Variants in ADGRL1 observed in about 807,000 individuals in gnomAD.
The protein encoded by ADGRL1 is CIRL-1.
Under a neutral mutation model 148.9 loss-of-function variants are expected in ADGRL1, and 31 were observed. The ratio of observed to expected loss-of-function variants is 0.21; its 90% CI spans 0.16 to 0.28. The LOEUF is 0.28. Ranked by LOEUF, ADGRL1 falls within the 10% of genes least tolerant of loss-of-function variation. The pLI, the probability that ADGRL1 is intolerant of heterozygous loss-of-function variation, is 1.00. For missense variants in ADGRL1, 1,521 were observed against 2,058.8 expected (o/e 0.74, Z 5.05); for synonymous variants, 937 against 900.3 (o/e 1.04, Z -0.73).
In ADGRL1 at chr19:14,150,814, G is replaced by C; in HGVS notation, c.*59C>G. On this transcript the variant is annotated 3_prime_UTR_variant, in exon 23 of 23. Transcript: ENST00000361434. ...CCATCTGTCTCCCTCTCCCACCAGA[G>C]CCCTGCCCAGGGTTCCCTCCCTGGC... 6.4e-7 allele frequency: 1 copy of C among 1,571,058 alleles called. No individual in the cohort carries two copies. Among genetic ancestry groups the C allele is most frequent in the Non-Finnish European group, 8.6e-7 (1 of 1,160,810 alleles).
intron 1 of ADGRL1, among the ~76,000 whole-genome samples, chr19:14,204,713 TGAGAGAGAGAGAGA>T (rs74181774): frequency 4.2e-5 from 6 of 142,890 alleles, no homozygotes; most frequent in African/African-American, 1.3e-4. Flanking sequence ...ACAGAGAGAG[TGAGAGAGAGAGAGA>T]GAGAGAGAGA....
rs1465519902 is a variant in ADGRL1, at chr19:14,163,150, G to A, written c.651C>T (p.Ala217=). Residue 217 remains alanine, a synonymous_variant, in exon 5 of 23, where the codon GCC becomes GCT. Transcript: ENST00000361434. ...GCGTGCGCTCCTTGTTGTAGAAGAC[G>A]GCACCATCGTAGACCACAAAGCCTG... The part of the protein sequence containing the change: ...DGTGFVVYDG[A]VFYNKERTRN... 7 of 1,613,816 alleles carry A rather than the reference G, an allele frequency of 4.3e-6. No individual in the cohort carries two copies. The highest frequency in any genetic ancestry group is 1.3e-5 in the African/African-American group (1 of 74,948).
Position 14,152,948 on chromosome 19 carries a change from T to TG in ADGRL1, c.3295-37dup. On this transcript the variant is annotated intron_variant, in intron 18 of 22. Transcript: ENST00000361434. The surrounding 1 kb of genome is among the most constrained non-coding windows in gnomAD (Gnocchi z 6.1). ...GAGGACAGTCAGCTGGCTGGGACAC[T>TG]GGCCTCCTCTGTGATCCAGTCTCCC... 5 of 1,608,298 alleles carry TG rather than the reference T, an allele frequency of 3.1e-6. No homozygotes were observed. In the South Asian group the frequency reaches 5.5e-5, roughly 18 times the overall value.
Position 14,155,215 on chromosome 19 carries a change from G to A in ADGRL1, c.3294+144C>T, listed in dbSNP as rs925594820. On this transcript the variant is annotated intron_variant, in intron 18 of 22. Coordinates refer to ENST00000361434, the MANE Select transcript of ADGRL1 (RefSeq NM_014921.5). This position sits in a 1 kb window ranked among gnomAD's most constrained non-coding sequence, Gnocchi z 5.0. ...AGCTCGTGCTCCCCTCCCGGTGGAC[G>A]CAGACCTGACCACAGAAGCCCTGCA... 1.4e-4 allele frequency: 134 copies of A among 936,288 alleles called. 1 individual carries two copies. Among genetic ancestry groups the A allele is most frequent in the Middle Eastern group, 8.6e-4 (3 of 3,502 alleles). 58.0% of individuals were successfully genotyped at this position (936,288 alleles called of 1,614,324 possible).
chr19:14,172,075 G>A (rs941246364), intron 3 of ADGRL1, among the ~76,000 whole-genome samples: 7 of 152,188 alleles, frequency 4.6e-5, no homozygotes, highest in African/African-American at 1.7e-4. Context: ...TGGGGGGCAG[G>A]ATGGGGTGTG....
At chr19:14,181,995 A>G (rs942486629) in intron 2 of ADGRL1, among the ~76,000 whole-genome samples, 1 of 152,142 alleles carries the variant, frequency 6.6e-6, no homozygotes, top group Non-Finnish European at 1.5e-5. Context: ...GCGTTGCCCC[A>G]TGTTGGTCAT....
Position 14,157,277 on chromosome 19 carries a change from C to T in ADGRL1, c.2719G>A (p.Val907Ile). ...TCATACTGAGTCTTGTCGATCCCGA[C>T]CAGGAAGAGCAGCTCAGCCAGGAAG... ...NLFLAELLFLVGIDKTQYEIA... is the reference protein window; with the variant it reads ...NLFLAELLFLIGIDKTQYEIA... Residue 907 changes from valine to isoleucine, a missense_variant, in exon 14 of 23, where the codon GTC becomes ATC. By Grantham distance (29) the Val-to-Ile change is conservative. Transcript: ENST00000361434. The surrounding 1 kb of genome is among the most constrained non-coding windows in gnomAD (Gnocchi z 7.5). 6.2e-7 allele frequency: 1 copy of T among 1,614,116 alleles called. No individual in the cohort carries two copies. The highest frequency in any genetic ancestry group is 8.5e-7 in the Non-Finnish European group (1 of 1,180,022).
intron 3 of ADGRL1, among the ~76,000 whole-genome samples, chr19:14,175,655 C>T (rs1970776477): frequency 6.6e-6 from 1 of 152,120 alleles, no homozygotes; most frequent in Admixed American, 6.6e-5. Flanking sequence ...CACATCTGCA[C>T]ACACCTACAC....
Position 14,148,244 on chromosome 19 carries a change from G to A in ADGRL1, c.*2629C>T, listed in dbSNP as rs982807235. 2 of 152,752 alleles carry A rather than the reference G, an allele frequency of 1.3e-5. No homozygotes were observed. Among genetic ancestry groups the A allele is most frequent in the Non-Finnish European group, 2.9e-5 (2 of 68,204 alleles). The allele number at this position is 152,752 out of a possible 1,614,324, so 9.5% of individuals were successfully genotyped here. The stretch of plus-strand genomic sequence containing the variant: ...GGGCTCTGGGGGCGGCTTTGCACTG[G>A]ACTGCAGTGATGTCCAGCCCCAGCA... On this transcript the variant is annotated 3_prime_UTR_variant, in exon 23 of 23. Coordinates refer to ENST00000361434, the MANE Select transcript of ADGRL1 (RefSeq NM_014921.5).
chr19:14,152,867 T>C lies in ADGRL1; in HGVS notation c.3340A>G (p.Ile1114Val). Residue 1114 changes from isoleucine to valine, a missense_variant, in exon 19 of 23, where the codon ATC (isoleucine) becomes GTC (valine). Physicochemically the swap from Ile to Val is conservative, Grantham distance 29. Transcript: ENST00000361434. This position sits in a 1 kb window ranked among gnomAD's most constrained non-coding sequence, Gnocchi z 6.1. Reference sequence around the variant, plus strand: ...TGAGTGCCCCCGGGTGGGGAGCGGATGCAGCAGTAGGAGTGACGCAGGCAC... The same window carrying C: ...TGAGTGCCCCCGGGTGGGGAGCGGACGCAGCAGTAGGAGTGACGCAGGCAC... ...SKCLRHSYCC[I>V]RSPPGGTHGS... 6.2e-7 allele frequency: 1 copy of C among 1,614,172 alleles called. No homozygotes were observed. The highest frequency in any genetic ancestry group is 8.5e-7 in the Non-Finnish European group (1 of 1,180,018).
At position 14,149,846 on chromosome 19, in the gene ADGRL1, CTGCTCCGGA is replaced by C. The variant is rs984230514; in HGVS notation, c.*1018_*1026del. ...TGGCTGCCAGGCCAGCAGCGCTGCTCTGCTCCGGAGAAAGCCCGGGCTGGCCCGGGCCGC... is the reference window on the plus strand; with the variant it reads ...TGGCTGCCAGGCCAGCAGCGCTGCTCGAAAGCCCGGGCTGGCCCGGGCCGC... On this transcript the variant is annotated 3_prime_UTR_variant, in exon 23 of 23. Transcript: ENST00000361434. The C allele has an allele frequency of 3.9e-4, 60 of 152,058 alleles. No homozygotes were observed. Among genetic ancestry groups the C allele is most frequent in the Non-Finnish European group, 5.3e-4 (36 of 67,898 alleles). 9.4% of individuals were successfully genotyped at this position (152,058 alleles called of 1,614,324 possible). A position where few individuals can be genotyped will look rare whatever the true frequency, so the allele number is the denominator to read the frequency against.
At chr19:14,196,512 C>T (rs926584873) in intron 1 of ADGRL1, among the ~76,000 whole-genome samples, 3 of 152,116 alleles carry the variant, frequency 2.0e-5, no homozygotes, top group African/African-American at 7.2e-5. Context: ...CCCAGCTCCT[C>T]GGGAGGCTTA....
chr19:14,183,393 G>A (rs558799738), intron 2 of ADGRL1, 140 bp downstream of exon 2: 10 of 746,804 alleles, frequency 1.3e-5, no homozygotes, highest in Admixed American at 1.3e-4. Flanking sequence ...TCTTCCACTG[G>A]CCTGCTCCAG....
In ADGRL1 at chr19:14,158,372, A is replaced by T; in HGVS notation, c.2330T>A (p.Met777Lys). 6.2e-7 allele frequency: 1 copy of T among 1,613,818 alleles called. No homozygotes were observed. Among genetic ancestry groups the T allele is most frequent in the Non-Finnish European group, 8.5e-7 (1 of 1,180,018 alleles). ...GGCCACGGTGAAGATGACAGGGTCC[A>T]TGAGGAAGACGCGGCTGGACTCCTT... is the stretch of plus-strand genomic sequence containing the variant. ...INKESSRVFL[M>K]DPVIFTVAHL... Residue 777 changes from methionine (M) to lysine (K), a missense_variant, in exon 12 of 23, where the codon ATG (methionine) becomes AAG (lysine). Met to Lys is a moderately conservative substitution (Grantham distance 95). Transcript: ENST00000361434.
intron 4 of ADGRL1, among the ~76,000 whole-genome samples, chr19:14,165,431 C>A (rs962632676): frequency 6.6e-6 from 1 of 152,108 alleles, no homozygotes; most frequent in African/African-American, 2.4e-5. Flanking sequence ...CTAACCTGCT[C>A]AGAGGGTGTC....
At chr19:14,156,239 G>A (rs1261577177) in intron 16 of ADGRL1, 38 bp from the exon 17 acceptor site, 3 of 1,491,792 alleles carry the variant, frequency 2.0e-6, no homozygotes, top group African/African-American at 1.4e-5. Flanking sequence ...GCTGAGAGTG[G>A]CCCTGCCTCC....
chr19:14,149,922 C>CTTTTTTTTTTTTTTTTTTCTTTTT lies in ADGRL1; in HGVS notation c.*950_*951insAAAAAGAAAAAAAAAAAAAAAAAA, dbSNP rs71170598. The CTTTTTTTTTTTTTTTTTTCTTTTT allele has an allele frequency of 1.6e-5, 2 of 122,716 alleles. No individual in the cohort carries two copies. The highest frequency in any genetic ancestry group is 8.1e-5 in the Admixed American group (1 of 12,378). The allele number at this position is 122,716 out of a possible 1,614,324, so 7.6% of individuals were successfully genotyped here. ...CAAGTGATGAGATTTTTTTTCTTTT[C>CTTTTTTTTTTTTTTTTTTCTTTTT]TTTTTTTTTTTTTTTGTCTTTTTTT... On this transcript the variant is annotated 3_prime_UTR_variant, in exon 23 of 23. Coordinates refer to ENST00000361434, the MANE Select transcript of ADGRL1 (RefSeq NM_014921.5).
chr19:14,174,686 C>G (rs1383870521), intron 3 of ADGRL1, among the ~76,000 whole-genome samples: 7 of 152,068 alleles, frequency 4.6e-5, no homozygotes, highest in Admixed American at 4.6e-4. Context: ...CAGGCTCACA[C>G]CACCGTATCA....
chr19:14,167,362 G>A lies in ADGRL1; in HGVS notation c.394+3320C>T, dbSNP rs1970076132. The stretch of plus-strand genomic sequence containing the variant: ...TACAGGCAGGCAGACAGAGCCCTCA[G>A]GTGGGAGGGGGCACCCTTGGTGCAA... On this transcript the variant is annotated intron_variant, in intron 4 of 22. Coordinates refer to ENST00000361434, the MANE Select transcript of ADGRL1 (RefSeq NM_014921.5). 2.0e-5 allele frequency among the ~76,000 whole-genome samples: 3 copies of A among 152,150 alleles called. No individual in the cohort carries two copies. In the South Asian group the frequency reaches 6.2e-4, roughly 32 times the overall value.
Sources: allele counts gnomAD v4.1 joint callset (sites outside exome capture counted in the v4.1 genomes callset), GRCh38; gene constraint gnomAD v4.1.1; non-coding constraint Gnocchi (gnomAD v3.1); transcripts MANE v1.5; gene names NCBI Gene and HGNC (gene_info 2026-07-23, HGNC 2026-07-21).